SEC11A: variants seen among roughly 807,000 people sequenced by gnomAD.
The protein encoded by SEC11A is signal peptidase complex catalytic subunit SEC11A.
SEC11A carries 14 observed loss-of-function variants against 25.6 expected under a neutral mutation model. The ratio of observed to expected loss-of-function variants is 0.55; its 90% CI spans 0.36 to 0.85. The LOEUF is 0.85. Ranked by LOEUF, SEC11A falls within the 40% of genes least tolerant of loss-of-function variation. The probability of loss-of-function intolerance (pLI) is 0.01; values close to 1 mark genes in which losing one functional copy is unlikely to be tolerated. For synonymous variants in SEC11A, 83 were observed against 76.4 expected (o/e 1.09, Z -0.45); for missense variants, 153 against 222.9 (o/e 0.69, Z 2.00).
chr15:84,709,476 T>C (rs1245284034), intron 1 of SEC11A, among the ~76,000 whole-genome samples: 1 of 152,174 alleles, frequency 6.6e-6, no homozygotes, highest in African/African-American at 2.4e-5. Flanking sequence ...GGAGTCTCGC[T>C]CTGTCACCCA....
intron 4 of SEC11A, chr15:84,673,936 T>A (rs1596067167): frequency 6.6e-6 from 1 of 151,818 alleles, no homozygotes; most frequent in Non-Finnish European, 1.5e-5. Flanking sequence ...ATAAAAAAAA[T>A]AAATAAAAAT....
At chr15:84,702,453 C>T (rs960134565) in intron 1 of SEC11A, among the ~76,000 whole-genome samples, 3 of 147,196 alleles carry the variant, frequency 2.0e-5, no homozygotes, top group African/African-American at 5.0e-5. Flanking sequence ...GCAGCAAAAG[C>T]GAAACTCCGT....
chr15:84,694,995 CAGG>C (rs1283562001), intron 1 of SEC11A, among the ~76,000 whole-genome samples: 2 of 142,232 alleles, frequency 1.4e-5, no homozygotes, highest in African/African-American at 5.3e-5. Flanking sequence ...GAGGCTGAGG[CAGG>C]AGAATTGCTT....
intron 1 of SEC11A, among the ~76,000 whole-genome samples, chr15:84,712,373 A>G (rs2141930492): frequency 6.6e-6 from 1 of 152,290 alleles, no homozygotes; most frequent in Admixed American, 6.5e-5. Flanking sequence ...TGCTGGTGAA[A>G]GGCAAAACAG....
intron 4 of SEC11A, chr15:84,672,875 C>G (rs979579545): frequency 4.8e-6 from 1 of 206,702 alleles, no homozygotes; most frequent in Admixed American, 5.8e-5. Flanking sequence ...TCTGCCCCGC[C>G]GCCCCGTCTG....
chr15:84,676,576 C>T (rs183367177), intron 4 of SEC11A, among the ~76,000 whole-genome samples: 24 of 151,596 alleles, frequency 1.6e-4, no homozygotes, highest in African/African-American at 5.8e-4. Context: ...GAGTTCGAGA[C>T]CGCCTGGCTA....
intron 1 of SEC11A, among the ~76,000 whole-genome samples, chr15:84,706,917 C>G (rs1044099293): frequency 6.6e-6 from 1 of 152,206 alleles, no homozygotes; most frequent in Non-Finnish European, 1.5e-5. Context: ...AAGACAGACA[C>G]TGACAGGCTA....
intron 3 of SEC11A, chr15:84,686,725 G>T: frequency 6.6e-6 from 1 of 152,414 alleles, no homozygotes; most frequent in East Asian, 1.9e-4. Flanking sequence ...TTGAGACAGG[G>T]TCTCACTCGG....
In SEC11A at chr15:84,686,431, T is replaced by G. The variant is rs546501672; in HGVS notation, c.311+1194A>C. 2.0e-5 allele frequency: 3 copies of G among 152,188 alleles called. No homozygotes were observed. In the South Asian group the frequency reaches 6.2e-4, roughly 32 times the overall value. The allele number at this position is 152,188 out of a possible 1,614,324, so 9.4% of individuals were successfully genotyped here. A position where few individuals can be genotyped will look rare whatever the true frequency, so the allele number is the denominator to read the frequency against. ...TTCGAGACTAGCCTAGCCAACAAGGTGAAACCCTGTCTCTACTAAAAATAC... is the reference window on the plus strand; with the variant it reads ...TTCGAGACTAGCCTAGCCAACAAGGGGAAACCCTGTCTCTACTAAAAATAC... On this transcript the variant is annotated intron_variant, in intron 3 of 5. Transcript: ENST00000268220.
At chr15:84,697,777 T>C (rs1897811216) in intron 1 of SEC11A, among the ~76,000 whole-genome samples, 1 of 152,180 alleles carries the variant, frequency 6.6e-6, no homozygotes, top group Non-Finnish European at 1.5e-5. Context: ...AGAAATAAGG[T>C]GGCAGCTACC....
At chr15:84,680,914 T>C (rs1372215160) in intron 3 of SEC11A, 82 bp from the exon 4 acceptor site, 2 of 1,280,442 alleles carry the variant, frequency 1.6e-6, no homozygotes, top group Middle Eastern at 2.0e-4. Flanking sequence ...TAACCAAACA[T>C]GTTTGTGGCA....
chr15:84,675,906 A>G (rs1454333571), intron 4 of SEC11A, among the ~76,000 whole-genome samples: 1 of 152,218 alleles, frequency 6.6e-6, no homozygotes, highest in East Asian at 1.9e-4. Context: ...ACAAAAGACT[A>G]CGCATTGTAT....
At chr15:84,677,476 T>G (rs1380050549) in intron 4 of SEC11A, among the ~76,000 whole-genome samples, 2 of 136,086 alleles carry the variant, frequency 1.5e-5, no homozygotes, top group Admixed American at 1.5e-4. Context: ...TTTCTTTTTC[T>G]TTTTTTTTTT....
chr15:84,701,576 A>G (rs1897943394), intron 1 of SEC11A, among the ~76,000 whole-genome samples: 2 of 152,086 alleles, frequency 1.3e-5, no homozygotes, highest in Admixed American at 1.3e-4. Flanking sequence ...TCTAAATACT[A>G]TACTTAGAAG....
At chr15:84,685,023 C>T (rs772703881) in intron 3 of SEC11A, among the ~76,000 whole-genome samples, 3 of 151,992 alleles carry the variant, frequency 2.0e-5, no homozygotes, top group Non-Finnish European at 2.9e-5. Flanking sequence ...TTGAAAATTT[C>T]TGAATATTAA....
At chr15:84,691,398 T>C in intron 2 of SEC11A, 137 bp downstream of exon 2, 3 of 594,176 alleles carry the variant, frequency 5.0e-6, no homozygotes, top group South Asian at 4.3e-5. Flanking sequence ...AACTGATAAG[T>C]AGTGACTAAT....
At chr15:84,687,811 G>A (rs765333356) in intron 2 of SEC11A, 37 bp from the exon 3 acceptor site, 8 of 1,546,770 alleles carry the variant, frequency 5.2e-6, no homozygotes, top group Non-Finnish European at 7.0e-6. Flanking sequence ...CAAAAAGAAA[G>A]TATGAGATTA....
chr15:84,710,594 T>C (rs564295391), intron 1 of SEC11A, among the ~76,000 whole-genome samples: 1 of 152,276 alleles, frequency 6.6e-6, no homozygotes, highest in Admixed American at 6.5e-5. Flanking sequence ...GCCTAGATGG[T>C]GCCACCACAC....
rs780104238 is a variant in SEC11A at position 84,680,843 on chromosome 15, T to G, written c.312-11A>C. 6.3e-7 allele frequency: 1 copy of G among 1,594,158 alleles called. No individual in the cohort carries two copies. The highest frequency in any genetic ancestry group is 2.2e-5 in the East Asian group (1 of 44,758). On this transcript the variant is annotated splice_polypyrimidine_tract_variant and intron_variant, in intron 3 of 5. Transcript: ENST00000268220. ...ATATGCCCATTTTGCCTTAAAAGAG[T>G]AAAGGAAACCCAAGTCATCAAATAC...
Sources: gnomAD v4.1 joint callset for allele counts (sites outside exome capture counted in the v4.1 genomes callset) on GRCh38, gnomAD v4.1.1 for gene constraint, MANE v1.5 for transcripts, NCBI Gene and HGNC (gene_info 2026-07-23, HGNC 2026-07-21) for gene names.